The following GRK2 variants were observed in gnomAD, a reference collection of about 807,000 sequenced individuals.
GRK2 encodes G protein-coupled receptor kinase 2.
GRK2 carries 23 observed loss-of-function variants against 97.8 expected under a neutral mutation model. The ratio of observed to expected loss-of-function variants is 0.24; its 90% confidence interval spans 0.17 to 0.33. The LOEUF (loss-of-function observed/expected upper bound fraction) is 0.33, where lower values mean the gene tolerates loss of function less well. Ranked by LOEUF, GRK2 falls within the 10% of genes least tolerant of loss-of-function variation. The pLI is 1.00. For synonymous variants in GRK2, 425 were observed against 381.7 expected (o/e 1.11, Z -1.32); for missense variants, 633 against 956.9 (o/e 0.66, Z 4.47).
rs1486494444 is a variant in GRK2 at position 67,269,766 on chromosome 11, C to A, written c.113+2954C>A. ...GGGAATTGTTCATACCTTGAGGTGGCCCACCTTGGCAGCCCCTCCATGGCT... is the reference window on the plus strand; with the variant it reads ...GGGAATTGTTCATACCTTGAGGTGGACCACCTTGGCAGCCCCTCCATGGCT... On this transcript the variant is annotated intron_variant, in intron 1 of 20. Coordinates refer to ENST00000308595, the MANE Select transcript of GRK2 (RefSeq NM_001619.5). The surrounding 1 kb of genome is among the most constrained non-coding windows in gnomAD (Gnocchi z 4.1). Among the ~76,000 whole-genome samples, 1 of 152,196 alleles carries A rather than the reference C, an allele frequency of 6.6e-6. No homozygotes were observed. The highest frequency in any genetic ancestry group is 1.5e-5 in the Non-Finnish European group (1 of 68,014).
At position 67,285,492 on chromosome 11, in the gene GRK2, G is replaced by T. The variant is rs749010249; in HGVS notation, c.*42G>T. On this transcript the variant is annotated 3_prime_UTR_variant, in exon 21 of 21. Coordinates refer to ENST00000308595, the MANE Select transcript of GRK2 (RefSeq NM_001619.5). Reference sequence around the variant, plus strand: ...TTATAAACCTCTAATTTATTTTGTCGAATTTTTATTATTTGTTTTCCCGCC... The same window carrying T: ...TTATAAACCTCTAATTTATTTTGTCTAATTTTTATTATTTGTTTTCCCGCC... 1 of 1,487,198 alleles carries T rather than the reference G, an allele frequency of 6.7e-7. No homozygotes were observed. Among genetic ancestry groups the T allele is most frequent in the Non-Finnish European group, 8.9e-7 (1 of 1,121,152 alleles). The allele number at this position is 1,487,198 out of a possible 1,614,324, so 92.1% of individuals were successfully genotyped here. A position where few individuals can be genotyped will look rare whatever the true frequency, so the allele number is the denominator to read the frequency against.
chr11:67,281,351 T>C lies in GRK2; in HGVS notation c.648-108T>C. The C allele has an allele frequency of 1.7e-6, 2 of 1,176,866 alleles. No homozygotes were observed. The highest frequency in any genetic ancestry group is 4.9e-5 in the East Asian group (2 of 40,642). 72.9% of individuals were successfully genotyped at this position (1,176,866 alleles called of 1,614,324 possible). A position where few individuals can be genotyped will look rare whatever the true frequency, so the allele number is the denominator to read the frequency against. ...GCCCCAGCCCTCCCTGTCTCTGATTTGTGTCACACGCTGGTCCTGGGTCTA... is the reference window on the plus strand; with the variant it reads ...GCCCCAGCCCTCCCTGTCTCTGATTCGTGTCACACGCTGGTCCTGGGTCTA... On this transcript the variant is annotated intron_variant, in intron 8 of 20. Coordinates refer to ENST00000308595, the MANE Select transcript of GRK2 (RefSeq NM_001619.5). The surrounding 1 kb of genome is among the most constrained non-coding windows in gnomAD (Gnocchi z 5.7).
chr11:67,273,202 G>T (rs1488751122), intron 1 of GRK2, among the ~76,000 whole-genome samples: 1 of 152,256 alleles, frequency 6.6e-6, no homozygotes, highest in Admixed American at 6.5e-5. Flanking sequence ...GGGCCACTTG[G>T]AACCCAGGCA....
At chr11:67,277,577 C>A (rs1327347889) in intron 2 of GRK2, among the ~76,000 whole-genome samples, 1 of 152,234 alleles carries the variant, frequency 6.6e-6, no homozygotes, top group African/African-American at 2.4e-5. Flanking sequence ...CCAGAGTCTT[C>A]CAGGGCCGCC....
rs1860275946 is a variant in GRK2 at position 67,286,137 on chromosome 11, A to T, written c.*687A>T. ...CCCAGCACCCGGGCTCAGGGACCAC[A>T]GCAAGGCACCTGCAGGTTGGGCCAT... On this transcript the variant is annotated 3_prime_UTR_variant, in exon 21 of 21. Coordinates refer to ENST00000308595, the MANE Select transcript of GRK2 (RefSeq NM_001619.5). 1 of 470,912 alleles carries T rather than the reference A, an allele frequency of 2.1e-6. No homozygotes were observed. The highest frequency in any genetic ancestry group is 3.8e-6 in the Non-Finnish European group (1 of 266,288). 29.2% of individuals were successfully genotyped at this position (470,912 alleles called of 1,614,324 possible).
chr11:67,282,378 C>T lies in GRK2; in HGVS notation c.1052+13C>T. On this transcript the variant is annotated intron_variant, in intron 12 of 20. Transcript: ENST00000308595. The surrounding 1 kb of genome is among the most constrained non-coding windows in gnomAD (Gnocchi z 6.9). ...CCCATGCCAGCGTGTGAGTGCCCCCCACCCTCTCCCTCCCCACCCCTTGCC... is the reference window on the plus strand; with the variant it reads ...CCCATGCCAGCGTGTGAGTGCCCCCTACCCTCTCCCTCCCCACCCCTTGCC... 1.2e-6 allele frequency: 2 copies of T among 1,612,546 alleles called. No individual in the cohort carries two copies. The highest frequency in any genetic ancestry group is 1.1e-5 in the South Asian group (1 of 91,052).
rs2136488270 is a variant in GRK2 at position 67,269,693 on chromosome 11, A to G, written c.113+2881A>G. 6.6e-6 allele frequency among the ~76,000 whole-genome samples: 1 copy of G among 152,354 alleles called. No individual in the cohort carries two copies. Among genetic ancestry groups the G allele is most frequent in the East Asian group, 1.9e-4 (1 of 5,184 alleles). Reference sequence around the variant, plus strand: ...TCCCCATACCCACAAGGTCAAGGTCAGAGTCAGGGAGAGGGGCTGTGGCTT... The same window carrying G: ...TCCCCATACCCACAAGGTCAAGGTCGGAGTCAGGGAGAGGGGCTGTGGCTT... On this transcript the variant is annotated intron_variant, in intron 1 of 20. Transcript: ENST00000308595. This position sits in a 1 kb window ranked among gnomAD's most constrained non-coding sequence, Gnocchi z 4.1.
At chr11:67,284,797 A>G in intron 18 of GRK2, 50 bp from the exon 19 acceptor site, 3 of 1,589,810 alleles carry the variant, frequency 1.9e-6, no homozygotes, top group Non-Finnish European at 2.6e-6. Flanking sequence ...CTCAAAACAA[A>G]AAAGAAACCC....
chr11:67,280,325 GC>G lies in GRK2; in HGVS notation c.504-405del. On this transcript the variant is annotated intron_variant, in intron 6 of 20. Transcript: ENST00000308595. ...GGGTGGGAATTGTAGGTAGATTTCA[GC>G]CAGCTTTAGGGAGCAGCTGTTTTAG... 8 of 370,006 alleles carry G rather than the reference GC, an allele frequency of 2.2e-5. 1 individual carries two copies. Among genetic ancestry groups the G allele is most frequent in the South Asian group, 2.0e-4 (7 of 35,408 alleles). The allele number at this position is 370,006 out of a possible 1,614,324, so 22.9% of individuals were successfully genotyped here. A position where few individuals can be genotyped will look rare whatever the true frequency, so the allele number is the denominator to read the frequency against.
At chr11:67,279,548 T>G in intron 4 of GRK2, 29 bp downstream of exon 4, 3 of 1,612,440 alleles carry the variant, frequency 1.9e-6, no homozygotes, top group Non-Finnish European at 2.5e-6. Context: ...CCCTGTGTGC[T>G]GGCCCAGAGT....
In GRK2 at chr11:67,285,649, C is replaced by T. The variant is rs1482098897; in HGVS notation, c.*199C>T. ...CAGCCGCTGCCCGGCGCCCTCTGTC[C>T]TGACTTCAGGGGCTGCCCGCTCCCA... is the stretch of plus-strand genomic sequence containing the variant. On this transcript the variant is annotated 3_prime_UTR_variant, in exon 21 of 21. Transcript: ENST00000308595. 1 of 641,642 alleles carries T rather than the reference C, an allele frequency of 1.6e-6. No homozygotes were observed. Among genetic ancestry groups the T allele is most frequent in the African/African-American group, 1.9e-5 (1 of 53,748 alleles). The allele number at this position is 641,642 out of a possible 1,614,324, so 39.7% of individuals were successfully genotyped here. A position where few individuals can be genotyped will look rare whatever the true frequency, so the allele number is the denominator to read the frequency against.
chr11:67,275,230 C>A (rs1181606243), intron 1 of GRK2, among the ~76,000 whole-genome samples: 2 of 152,186 alleles, frequency 1.3e-5, no homozygotes, highest in East Asian at 3.9e-4. Flanking sequence ...GAGTCCACTG[C>A]AGCCCTTCCT....
rs1859809298 is a variant in GRK2 at position 67,266,768 on chromosome 11, G to C, written c.69G>C (p.Thr23=). 7.3e-7 allele frequency: 1 copy of C among 1,372,252 alleles called. No individual in the cohort carries two copies. The highest frequency in any genetic ancestry group is 9.5e-7 in the Non-Finnish European group (1 of 1,049,964). 85.0% of individuals were successfully genotyped at this position (1,372,252 alleles called of 1,614,324 possible). A position where few individuals can be genotyped will look rare whatever the true frequency, so the allele number is the denominator to read the frequency against. ...TGGCCATGGAGAAGAGCAAGGCCAC[G>C]CCGGCCGCGCGCGCCAGCAAGAAGA... ...YLMAMEKSKA[T]PAARASKKIL... is the part of the protein sequence containing the mutation. Residue 23 remains threonine (T), a synonymous_variant, in exon 1 of 21, where the codon ACG becomes ACC. Transcript: ENST00000308595.
chr11:67,270,400 G>T (rs1859881614), intron 1 of GRK2, among the ~76,000 whole-genome samples: 4 of 151,926 alleles, frequency 2.6e-5, no homozygotes, highest in Admixed American at 2.6e-4. Context: ...CTCCCCCACC[G>T]AGAGTTTCCT....
Position 67,279,844 on chromosome 11 carries a change from C to T in GRK2, c.447C>T (p.Tyr149=). 1 of 1,614,026 alleles carries T rather than the reference C, an allele frequency of 6.2e-7. No individual in the cohort carries two copies. The highest frequency in any genetic ancestry group is 8.5e-7 in the Non-Finnish European group (1 of 1,180,000). The change falls in exon 6 of 21, where the codon TAC becomes TAT. Residue 149 remains tyrosine, a synonymous_variant. Transcript: ENST00000308595. ...KQVPPDLFQP[Y]IEEICQNLRG... is the part of the protein sequence containing the mutation. ...CTTCCAGCTTCCTCCCTTAGCCATA[C>T]ATCGAAGAGATTTGTCAAAACCTCC...
rs1223144842 is a variant in GRK2, at chr11:67,282,194, A to T, written c.958-77A>T. On this transcript the variant is annotated intron_variant, in intron 11 of 20. Coordinates refer to ENST00000308595, the MANE Select transcript of GRK2 (RefSeq NM_001619.5). This position sits in a 1 kb window ranked among gnomAD's most constrained non-coding sequence, Gnocchi z 6.9. Reference sequence around the variant, plus strand: ...TACCCATCGTCCTCTCCAGTGAAGCAGTGACCCAGCTGGCATCTTGCCTGG... The same window carrying T: ...TACCCATCGTCCTCTCCAGTGAAGCTGTGACCCAGCTGGCATCTTGCCTGG... 1 of 1,430,904 alleles carries T rather than the reference A, an allele frequency of 7.0e-7. No homozygotes were observed. Among genetic ancestry groups the T allele is most frequent in the African/African-American group, 1.4e-5 (1 of 70,478 alleles). The allele number at this position is 1,430,904 out of a possible 1,614,324, so 88.6% of individuals were successfully genotyped here. A position where few individuals can be genotyped will look rare whatever the true frequency, so the allele number is the denominator to read the frequency against.
At chr11:67,280,701 T>C in intron 6 of GRK2, 31 bp from the exon 7 acceptor site, 2 of 1,613,672 alleles carry the variant, frequency 1.2e-6, no homozygotes, top group Non-Finnish European at 1.7e-6. Context: ...ACATTCTGAG[T>C]GGCCCCTGAG....
chr11:67,281,630 C>A lies in GRK2; in HGVS notation c.748-20C>A, dbSNP rs777100371. Reference sequence around the variant, plus strand: ...CGCCCCTGCTAACTGCCCGCCCCCTCCCCTCCTCTCCCCTCCTAGGACTGC... The same window carrying A: ...CGCCCCTGCTAACTGCCCGCCCCCTACCCTCCTCTCCCCTCCTAGGACTGC... On this transcript the variant is annotated intron_variant, in intron 9 of 20. Transcript: ENST00000308595. The surrounding 1 kb of genome is among the most constrained non-coding windows in gnomAD (Gnocchi z 5.7). 37 of 1,578,546 alleles carry A rather than the reference C, an allele frequency of 2.3e-5. No individual in the cohort carries two copies. In the South Asian group the frequency reaches 2.9e-4, roughly 12 times the overall value.
At chr11:67,271,128 T>G (rs573488398) in intron 1 of GRK2, 1 of 152,340 alleles carries the variant, frequency 6.6e-6, no homozygotes, top group Non-Finnish European at 1.5e-5. Flanking sequence ...AAGCACAGTG[T>G]AGCCCTTGAG....
Sources: gnomAD v4.1 joint callset for allele counts (sites outside exome capture counted in the v4.1 genomes callset) on GRCh38, gnomAD v4.1.1 for gene constraint, Gnocchi (gnomAD v3.1) non-coding constraint, MANE v1.5 for transcripts, NCBI Gene and HGNC (gene_info 2026-07-23, HGNC 2026-07-21) for gene names.